The following MED27 variants were observed in gnomAD, a reference collection of about 807,000 sequenced individuals.
MED27 encodes the protein mediator of RNA polymerase II transcription subunit 27.
A neutral mutation model predicts 38.2 loss-of-function variants in MED27; 30 were observed. The ratio of observed to expected loss-of-function variants is 0.79; its 90% CI spans 0.59 to 1.07. MED27 has a LOEUF of 1.07. MED27 is among the 50% of genes least tolerant of loss of function. MED27 has a pLI of 0.00. For missense variants in MED27, 289 were observed against 397.5 expected, an observed-to-expected ratio of 0.73 and a Z score of 2.32; for synonymous variants, 122 against 153.5, an observed-to-expected ratio of 0.79 and a Z score of 1.52.
intron 4 of MED27, among the ~76,000 whole-genome samples, chr9:131,899,669 G>A (rs1205990851): frequency 1.3e-5 from 2 of 152,200 alleles, no homozygotes; most frequent in Non-Finnish European, 2.9e-5. Flanking sequence ...TGGTGCAGCA[G>A]GAAGGGTAAC....
rs539980203 is a variant in MED27, at chr9:131,910,521, A to G, written c.574-16529T>C. On this transcript the variant is annotated intron_variant, in intron 4 of 7. Transcript: ENST00000292035. The stretch of plus-strand genomic sequence containing the variant: ...TAAACCTGTTTCTCAACTCATTTAC[A>G]TTTGGATTTTTTTTTTAAAGGGCTA... 9.3e-4 allele frequency among the ~76,000 whole-genome samples: 141 copies of G among 152,168 alleles called. 1 individual carries two copies. Among genetic ancestry groups the G allele is most frequent in the Non-Finnish European group, 1.8e-3 (121 of 68,012 alleles).
chr9:132,058,410 G>A (rs1432138092), intron 2 of MED27, among the ~76,000 whole-genome samples: 1 of 152,146 alleles, frequency 6.6e-6, no homozygotes, highest in Non-Finnish European at 1.5e-5. Flanking sequence ...TCTCGTGACA[G>A]CGAGTTCATT....
chr9:132,073,325 G>A, intron 2 of MED27: 2 of 988,460 alleles, frequency 2.0e-6, no homozygotes, highest in Non-Finnish European at 2.4e-6. Flanking sequence ...CCACGAAAGG[G>A]GTTGTAAATT....
At chr9:131,912,293 A>C (rs1439081716) in intron 4 of MED27, among the ~76,000 whole-genome samples, 1 of 152,242 alleles carries the variant, frequency 6.6e-6, no homozygotes, top group East Asian at 1.9e-4. Context: ...GAAAGTGCTT[A>C]GCTTTCTTTA....
chr9:131,956,838 AC>A (rs1331309863), intron 3 of MED27, among the ~76,000 whole-genome samples: 17 of 151,168 alleles, frequency 1.1e-4, no homozygotes, highest in African/African-American at 3.4e-4. Context: ...AAAAAAAAAA[AC>A]ACATACACAC....
At chr9:131,948,988 A>G (rs1292555244) in intron 3 of MED27, among the ~76,000 whole-genome samples, 2 of 152,214 alleles carry the variant, frequency 1.3e-5, no homozygotes, top group Non-Finnish European at 2.9e-5. Context: ...GCTGAAACGT[A>G]TAAACCAACC....
At chr9:131,868,556 G>A (rs1324017547) in intron 6 of MED27, 20 of 982,004 alleles carry the variant, frequency 2.0e-5, no homozygotes, top group Middle Eastern at 5.2e-4. Context: ...GATTACAGGC[G>A]TGCGCCACTG....
Position 131,893,978 on chromosome 9 carries a change from C to G in MED27, c.588G>C (p.Lys196Asn). 1 of 1,614,106 alleles carries G rather than the reference C, an allele frequency of 6.2e-7. No homozygotes were observed. Among genetic ancestry groups the G allele is most frequent in the Non-Finnish European group, 8.5e-7 (1 of 1,179,976 alleles). The change falls in exon 5 of 8, where the codon AAG (lysine) becomes AAC (asparagine). Residue 196 changes from lysine (K) to asparagine (N), a missense_variant. Lys to Asn is a moderately conservative substitution (Grantham distance 94, BLOSUM62 0). Coordinates refer to ENST00000292035, the MANE Select transcript of MED27 (RefSeq NM_004269.4). ...GCATGACGACGATCACTTTCAACAC[C>G]TTTCCCAAGGTCACCTGCCAAAACA... is the stretch of plus-strand genomic sequence containing the variant. ...TSAMLLVTLG[K>N]VLKVIVVMRS...
intron 1 of MED27, among the ~76,000 whole-genome samples, chr9:132,079,340 G>A (rs1470319118): frequency 6.6e-6 from 1 of 152,192 alleles, no homozygotes; most frequent in African/African-American, 2.4e-5. Context: ...AACCTGCCAA[G>A]CTCAGAGAAG....
At chr9:131,933,851 A>G (rs1830634444) in intron 4 of MED27, among the ~76,000 whole-genome samples, 1 of 152,180 alleles carries the variant, frequency 6.6e-6, no homozygotes, top group African/African-American at 2.4e-5. Context: ...ACAAAACTGG[A>G]GGAATCACAT....
intron 2 of MED27, among the ~76,000 whole-genome samples, chr9:132,041,315 C>T (rs1309027158): frequency 1.3e-5 from 2 of 152,208 alleles, no homozygotes; most frequent in African/African-American, 4.8e-5. Flanking sequence ...AGCACGCACA[C>T]ACGACTAAAG....
chr9:131,973,812 A>C (rs994189385), intron 3 of MED27, among the ~76,000 whole-genome samples: 2 of 151,524 alleles, frequency 1.3e-5, no homozygotes, highest in Admixed American at 1.3e-4. Flanking sequence ...GGTTCACACC[A>C]TTCTCCTGCC....
At position 131,871,381 on chromosome 9, in the gene MED27, A is replaced by T. The variant is rs564647439; in HGVS notation, c.724-8241T>A. Among the ~76,000 whole-genome samples, 431 of 152,336 alleles carry T rather than the reference A, an allele frequency of 2.8e-3. 2 individuals carry two copies. Among genetic ancestry groups the T allele is most frequent in the African/African-American group, 4.2e-3 (175 of 41,574 alleles). ...TAAGGGAAGAATAAAGGACACTGTA[A>T]TGACACAGAAAGGACTGGGGAGAAA... On this transcript the variant is annotated intron_variant, in intron 6 of 7. Coordinates refer to ENST00000292035, the MANE Select transcript of MED27 (RefSeq NM_004269.4).
chr9:132,029,994 T>C lies in MED27; in HGVS notation c.349-15527A>G, dbSNP rs1182622033. 5.3e-5 allele frequency among the ~76,000 whole-genome samples: 8 copies of C among 152,194 alleles called. 1 individual carries two copies. Among genetic ancestry groups the C allele is most frequent in the Admixed American group, 3.9e-4 (6 of 15,278 alleles). On this transcript the variant is annotated intron_variant, in intron 2 of 7. Coordinates refer to ENST00000292035, the MANE Select transcript of MED27 (RefSeq NM_004269.4). Reference sequence around the variant, plus strand: ...AAAGGGTGGAGTGACATGGGCTGGCTGTGCTTCCCACACAGAAAATGTGAG... The same window carrying C: ...AAAGGGTGGAGTGACATGGGCTGGCCGTGCTTCCCACACAGAAAATGTGAG...
At chr9:131,884,680 T>C (rs1839107425) in intron 5 of MED27, among the ~76,000 whole-genome samples, 1 of 149,492 alleles carries the variant, frequency 6.7e-6, no homozygotes, top group Non-Finnish European at 1.5e-5. Flanking sequence ...TGATCTCAGC[T>C]CACTGCAACC....
intron 3 of MED27, among the ~76,000 whole-genome samples, chr9:132,007,642 T>C (rs1202613405): frequency 1.3e-5 from 2 of 152,022 alleles, no homozygotes; most frequent in Admixed American, 6.6e-5. Flanking sequence ...AATGCAGTCA[T>C]GGATGTGTGT....
At chr9:131,911,244 G>A (rs1830181565) in intron 4 of MED27, among the ~76,000 whole-genome samples, 1 of 152,212 alleles carries the variant, frequency 6.6e-6, no homozygotes, top group Non-Finnish European at 1.5e-5. Flanking sequence ...AGGAGGAGGA[G>A]ACTAAATGGG....
At chr9:132,034,204 T>C (rs1279996681) in intron 2 of MED27, among the ~76,000 whole-genome samples, 4 of 152,188 alleles carry the variant, frequency 2.6e-5, no homozygotes, top group Non-Finnish European at 5.9e-5. Context: ...CCCAAAGGCA[T>C]AACATATCAT....
intron 2 of MED27, among the ~76,000 whole-genome samples, chr9:132,036,530 T>C (rs1050746478): frequency 6.6e-6 from 1 of 152,216 alleles, no homozygotes; most frequent in Non-Finnish European, 1.5e-5. Context: ...GTCTTGGTCA[T>C]TCATATGTCA....
Sources: allele counts gnomAD v4.1 joint callset (sites outside exome capture counted in the v4.1 genomes callset), GRCh38; gene constraint gnomAD v4.1.1; transcripts MANE v1.5; gene names NCBI Gene and HGNC (gene_info 2026-07-23, HGNC 2026-07-21).